The following OSBPL9 variants were observed in gnomAD, a reference collection of about 807,000 sequenced individuals.
The protein encoded by OSBPL9 is oxysterol-binding protein-related protein 9.
OSBPL9 carries 40 observed loss-of-function variants against 106.6 expected under a neutral mutation model. The observed-to-expected ratio is 0.38, with a 90% CI of 0.29 to 0.49. The LOEUF is 0.49. OSBPL9 is among the 20% of genes least tolerant of loss of function. OSBPL9 has a pLI of 0.97. For missense variants in OSBPL9, 609 were observed against 887.2 expected, an observed-to-expected ratio of 0.69 and a Z score of 3.98; for synonymous variants, 269 against 295.4, an observed-to-expected ratio of 0.91 and a Z score of 0.92.
chr1:51,676,770 A>T (rs1373636821), intron 3 of OSBPL9, among the ~76,000 whole-genome samples: 2 of 152,214 alleles, frequency 1.3e-5, no homozygotes, highest in Non-Finnish European at 2.9e-5. Context: ...GTATACTTCA[A>T]AATATGTTGT....
At position 51,594,410 on chromosome 1, in the gene OSBPL9, T is replaced by TA. The variant is rs113640407; in HGVS notation, c.-422-3708dup. On this transcript the variant is annotated intron_variant, in intron 1 of 25. Coordinates refer to the OSBPL9 transcript ENST00000371714. ...GAGTGAGACTCCATCTCAAAAAAAA[T>TA]AAAAAAGAAAGAAACAGAAAAGAAA... is the stretch of plus-strand genomic sequence containing the variant. 1.6e-3 allele frequency among the ~76,000 whole-genome samples: 233 copies of TA among 148,176 alleles called. 1 individual carries two copies. Among genetic ancestry groups the TA allele is most frequent in the African/African-American group, 5.4e-3 (217 of 40,206 alleles).
chr1:51,545,992 A>G, the OSBPL9 span, among the ~76,000 whole-genome samples: 8 of 152,190 alleles, frequency 5.3e-5, no homozygotes, highest in Non-Finnish European at 8.8e-5. Context: ...CTGAAAAGGA[A>G]AGGCAAAACT....
chr1:51,719,847 A>C (rs1162144657), intron 4 of OSBPL9, among the ~76,000 whole-genome samples: 1 of 152,226 alleles, frequency 6.6e-6, no homozygotes, highest in Non-Finnish European at 1.5e-5. Context: ...ATTAACATTA[A>C]TTTAATGTGA....
At chr1:51,621,282 A>G (rs1030637595) in intron 1 of OSBPL9, among the ~76,000 whole-genome samples, 1 of 152,074 alleles carries the variant, frequency 6.6e-6, no homozygotes, top group Non-Finnish European at 1.5e-5. Flanking sequence ...CGGGGAGATC[A>G]CCTGAGGTCA....
intron 1 of OSBPL9, among the ~76,000 whole-genome samples, chr1:51,649,266 C>T (rs926709323): frequency 7.9e-5 from 12 of 152,048 alleles, no homozygotes; most frequent in Admixed American, 7.9e-4. Context: ...ACCACCATGC[C>T]CAGCTAATTT....
the OSBPL9 span, chr1:51,562,059 C>T: frequency 1.3e-5 from 2 of 152,126 alleles, no homozygotes; most frequent in Non-Finnish European, 2.9e-5. Context: ...GTGAACAAGG[C>T]ATTAGTATTT....
intron 1 of OSBPL9, among the ~76,000 whole-genome samples, chr1:51,577,936 G>C (rs1179538174): frequency 2.0e-5 from 3 of 152,174 alleles, no homozygotes; most frequent in African/African-American, 7.2e-5. Context: ...AATCACGTGT[G>C]AGAAAAGCCC....
intron 4 of OSBPL9, among the ~76,000 whole-genome samples, chr1:51,715,527 C>T (rs1660880848): frequency 6.6e-6 from 1 of 152,078 alleles, no homozygotes; most frequent in Admixed American, 6.5e-5. Context: ...TCACTGCAAC[C>T]TCCACCCCGT....
At chr1:51,661,736 T>C (rs983570405) in intron 2 of OSBPL9, among the ~76,000 whole-genome samples, 6 of 152,198 alleles carry the variant, frequency 3.9e-5, no homozygotes, top group Admixed American at 3.9e-4. Context: ...CCATTTCATA[T>C]ATAGATTATC....
chr1:51,545,944 A>C, the OSBPL9 span, among the ~76,000 whole-genome samples: 1 of 152,234 alleles, frequency 6.6e-6, no homozygotes, highest in Non-Finnish European at 1.5e-5. Flanking sequence ...AATGTGAAAA[A>C]CTAACAAAGA....
chr1:51,762,097 A>G, intron 11 of OSBPL9, 126 bp downstream of exon 11: 1 of 646,656 alleles, frequency 1.5e-6, no homozygotes, highest in East Asian at 2.7e-5. Flanking sequence ...GAGATATGTT[A>G]GTTTTAACAT....
At chr1:51,682,713 CA>C (rs1245058963) in intron 3 of OSBPL9, among the ~76,000 whole-genome samples, 1 of 151,888 alleles carries the variant, frequency 6.6e-6, no homozygotes, top group African/African-American at 2.4e-5. Flanking sequence ...GCCGAGATCA[CA>C]CCATTGCACT....
In OSBPL9 at chr1:51,624,529, G is replaced by T. The variant is rs1027295157; in HGVS notation, c.111+7308G>T. Among the ~76,000 whole-genome samples the T allele has an allele frequency of 4.6e-5, 7 of 152,080 alleles. No individual in the cohort carries two copies. The East Asian group carries it at 1.4e-3, about 30-fold the overall frequency. ...CTTGAACCCGGAAGGCAAAACCCGT[G>T]AGCTGAGATCACGCCACTGCACTCT... On this transcript the variant is annotated intron_variant, in intron 1 of 23. Transcript: ENST00000428468.
the OSBPL9 span, among the ~76,000 whole-genome samples, chr1:51,563,152 G>A: frequency 6.6e-6 from 1 of 152,180 alleles, no homozygotes; most frequent in Admixed American, 6.5e-5. Flanking sequence ...GGAGGTTGCA[G>A]TAAGCCGAGA....
At chr1:51,614,146 A>G (rs78189620), upstream of OSBPL9, among the ~76,000 whole-genome samples, 385 of 152,342 alleles carry the variant, frequency 2.5e-3, 1 homozygote, top group African/African-American at 8.5e-3. Flanking sequence ...ATTGTAATCT[A>G]TAGAAAAGAG....
chr1:51,725,245 G>A (rs1004989203), intron 4 of OSBPL9, among the ~76,000 whole-genome samples: 11 of 151,332 alleles, frequency 7.3e-5, no homozygotes, highest in African/African-American at 7.3e-5. Flanking sequence ...CTTCATTTCT[G>A]TTACAGTCTT....
chr1:51,676,472 C>T (rs77567890), intron 3 of OSBPL9, among the ~76,000 whole-genome samples: 4,585 of 151,474 alleles, frequency 0.03, 140 homozygotes, highest in Middle Eastern at 0.089. Flanking sequence ...CTTTAAATTA[C>T]AGTGCAGTTT....
intron 1 of OSBPL9, among the ~76,000 whole-genome samples, chr1:51,585,952 C>T (rs2148600127): frequency 6.6e-6 from 1 of 151,664 alleles, no homozygotes; most frequent in East Asian, 1.9e-4. Context: ...GCAGGTGAAT[C>T]ACTTGAGGTC....
rs12067611 is a variant in OSBPL9, at chr1:51,748,223, A to G, written c.463-146A>G. 8.3e-4 allele frequency: 726 copies of G among 870,016 alleles called. 7 individuals carry two copies. The African/African-American group carries it at 0.012, about 14-fold the overall frequency. The allele number at this position is 870,016 out of a possible 1,614,324, so 53.9% of individuals were successfully genotyped here. ...TGATTTAGATAAAAAACAAAATACA[A>G]CAAAAAGTACTCCCTTCCCAACTTG... On this transcript the variant is annotated intron_variant, in intron 6 of 23. Coordinates refer to ENST00000428468, the MANE Select transcript of OSBPL9 (RefSeq NM_024586.6).
Sources: gnomAD v4.1 joint callset for allele counts (sites outside exome capture counted in the v4.1 genomes callset) on GRCh38, gnomAD v4.1.1 for gene constraint, MANE v1.5 for transcripts, NCBI Gene and HGNC (gene_info 2026-07-23, HGNC 2026-07-21) for gene names.